Variants in NRG3 observed in about 807,000 individuals in gnomAD.
NRG3 encodes the protein neuregulin 3.
In NRG3, 31 loss-of-function variants were observed where a neutral mutation model predicts 66.9. The ratio of observed to expected loss-of-function variants is 0.46; its 90% CI spans 0.35 to 0.63. The LOEUF is 0.63. NRG3 is among the 20% of genes least tolerant of loss of function. The probability of loss-of-function intolerance (pLI) is 0.00; values close to 1 mark genes in which losing one functional copy is unlikely to be tolerated. For synonymous variants in NRG3, 393 were observed against 359.4 expected (o/e 1.09, Z -1.06); for missense variants, 910 against 878.9 (o/e 1.04, Z -0.45).
chr10:82,220,933 A>C (rs180845627), intron 1 of NRG3, among the ~76,000 whole-genome samples: 79 of 152,298 alleles, frequency 5.2e-4, no homozygotes, highest in Middle Eastern at 6.8e-3. Flanking sequence ...GCAGTGAGCT[A>C]TGATCATACC....
chr10:82,195,276 A>G (rs2074384025), intron 1 of NRG3, among the ~76,000 whole-genome samples: 1 of 152,202 alleles, frequency 6.6e-6, no homozygotes, highest in Non-Finnish European at 1.5e-5. Context: ...TCATGTTTCC[A>G]TGGACACGTG....
At chr10:82,609,347 C>T (rs551867217) in intron 2 of NRG3, among the ~76,000 whole-genome samples, 1 of 152,132 alleles carries the variant, frequency 6.6e-6, no homozygotes, top group East Asian at 1.9e-4. Context: ...TTGATTAGCA[C>T]TGATTTGGTA....
At chr10:82,420,742 A>G (rs1015776984) in intron 2 of NRG3, among the ~76,000 whole-genome samples, 1 of 152,162 alleles carries the variant, frequency 6.6e-6, no homozygotes, top group African/African-American at 2.4e-5. Context: ...GAAAAGTACC[A>G]TTGCCAAGAA....
intron 3 of NRG3, among the ~76,000 whole-genome samples, chr10:82,813,386 G>C (rs1388614466): frequency 1.3e-5 from 2 of 151,604 alleles, no homozygotes; most frequent in Non-Finnish European, 2.9e-5. Context: ...GCTAATTTTT[G>C]TATTTTTAAT....
intron 1 of NRG3, among the ~76,000 whole-genome samples, chr10:81,942,404 T>G (rs1848478594): frequency 6.6e-6 from 1 of 152,136 alleles, no homozygotes; most frequent in Non-Finnish European, 1.5e-5. Flanking sequence ...ACATCAAATC[T>G]CTCTTTAAGT....
At chr10:82,156,079 G>T (rs1329506567) in intron 1 of NRG3, among the ~76,000 whole-genome samples, 2 of 151,638 alleles carry the variant, frequency 1.3e-5, no homozygotes, top group African/African-American at 4.8e-5. Flanking sequence ...CCATTTTTAT[G>T]TGAAGCTGTA....
At chr10:82,104,117 C>T (rs2066922086) in intron 1 of NRG3, among the ~76,000 whole-genome samples, 1 of 152,106 alleles carries the variant, frequency 6.6e-6, no homozygotes, top group African/African-American at 2.4e-5. Flanking sequence ...TTTTGTCTCT[C>T]ATTTGCCTGC....
At chr10:82,787,082 T>A (rs908623070) in intron 3 of NRG3, among the ~76,000 whole-genome samples, 1 of 152,220 alleles carries the variant, frequency 6.6e-6, no homozygotes, top group Non-Finnish European at 1.5e-5. Context: ...ATGCAGCCAT[T>A]TTCCCTCTAG....
At chr10:82,257,091 C>G (rs1471070177) in intron 1 of NRG3, among the ~76,000 whole-genome samples, 1 of 152,146 alleles carries the variant, frequency 6.6e-6, no homozygotes, top group African/African-American at 2.4e-5. Flanking sequence ...GCAAGATAGT[C>G]TTAAATTCTC....
At chr10:82,965,823 G>T (rs1377132314) in intron 6 of NRG3, among the ~76,000 whole-genome samples, 1 of 152,152 alleles carries the variant, frequency 6.6e-6, no homozygotes, top group Non-Finnish European at 1.5e-5. Flanking sequence ...TTCCAGGAGG[G>T]TTGGTATAGG....
intron 4 of NRG3, among the ~76,000 whole-genome samples, chr10:82,928,191 T>C (rs975142982): frequency 1.8e-4 from 27 of 152,098 alleles, no homozygotes; most frequent in Non-Finnish European, 3.7e-4. Flanking sequence ...TGATGGGTTT[T>C]TTTTTCTTGT....
intron 3 of NRG3, among the ~76,000 whole-genome samples, chr10:82,781,451 C>T (rs1222502678): frequency 6.6e-6 from 1 of 152,104 alleles, no homozygotes; most frequent in African/African-American, 2.4e-5. Context: ...ATTAATGAAA[C>T]CTCTATCTTG....
chr10:82,813,955 T>A (rs2061601410), intron 3 of NRG3, among the ~76,000 whole-genome samples: 1 of 152,212 alleles, frequency 6.6e-6, no homozygotes, highest in Non-Finnish European at 1.5e-5. Context: ...GACTCCTCAG[T>A]CCCAGATTCA....
At chr10:81,898,715 A>G (rs1300057183) in intron 1 of NRG3, among the ~76,000 whole-genome samples, 1 of 148,894 alleles carries the variant, frequency 6.7e-6, no homozygotes, top group South Asian at 2.1e-4. Flanking sequence ...TTTTTTTTGT[A>G]CAAGGGAGAA....
chr10:82,222,336 A>G (rs1589371056), intron 1 of NRG3, among the ~76,000 whole-genome samples: 4 of 150,540 alleles, frequency 2.7e-5, no homozygotes, highest in Admixed American at 2.6e-4. Context: ...GTTAACGCCG[A>G]TTGTGATGAG....
chr10:82,025,995 G>A (rs2132816411), intron 1 of NRG3, among the ~76,000 whole-genome samples: 2 of 152,122 alleles, frequency 1.3e-5, no homozygotes, highest in East Asian at 3.9e-4. Context: ...ACAACAGGGG[G>A]AAATCACTGT....
chr10:82,738,865 C>T (rs1170926776), intron 3 of NRG3, among the ~76,000 whole-genome samples: 2 of 152,166 alleles, frequency 1.3e-5, no homozygotes, highest in Non-Finnish European at 2.9e-5. Flanking sequence ...CCGGATTCCA[C>T]CTTGAACCCC....
At chr10:82,168,980 T>C (rs1156385897) in intron 1 of NRG3, among the ~76,000 whole-genome samples, 1 of 152,134 alleles carries the variant, frequency 6.6e-6, no homozygotes, top group Non-Finnish European at 1.5e-5. Flanking sequence ...CTTATACCCT[T>C]TGTTCTTTTT....
chr10:82,335,722 G>A, intron 1 of NRG3, among the ~76,000 whole-genome samples: 1 of 152,126 alleles, frequency 6.6e-6, no homozygotes, highest in Non-Finnish European at 1.5e-5. Flanking sequence ...AAAAATATCA[G>A]AATTAGGATC....
Sources: gnomAD v4.1 joint callset for allele counts (sites outside exome capture counted in the v4.1 genomes callset) on GRCh38, gnomAD v4.1.1 for gene constraint, MANE v1.5 for transcripts, NCBI Gene and HGNC (gene_info 2026-07-23, HGNC 2026-07-21) for gene names.